Variants in GPI observed in about 807,000 individuals in gnomAD.
GPI encodes glucose-6-phosphate isomerase.
A neutral mutation model predicts 75.8 loss-of-function variants in GPI; 56 were observed. That is an observed-to-expected ratio of 0.74 (90% CI 0.60 to 0.92). The LOEUF (loss-of-function observed/expected upper bound fraction) is 0.92. Ranked by LOEUF, GPI falls within the 40% of genes least tolerant of loss-of-function variation. The pLI is 0.00. For missense variants in GPI, 638 were observed against 741.0 expected, an observed-to-expected ratio of 0.86 and a Z score of 1.61; for synonymous variants, 288 against 285.4, an observed-to-expected ratio of 1.01 and a Z score of -0.09.
At chr19:34,370,879 C>G (rs922451463) in intron 4 of GPI, among the ~76,000 whole-genome samples, 3 of 152,362 alleles carry the variant, frequency 2.0e-5, no homozygotes, top group South Asian at 4.1e-4. Context: ...GATTGTGCCA[C>G]TGTCCTCCAG....
chr19:34,387,605 G>A (rs1017717639), intron 9 of GPI, among the ~76,000 whole-genome samples: 1 of 148,716 alleles, frequency 6.7e-6, no homozygotes, highest in Non-Finnish European at 1.5e-5. Flanking sequence ...TTGACCTGGT[G>A]TTGTCAGTGA....
At position 34,396,310 on chromosome 19, in the gene GPI, G is replaced by A; in HGVS notation, c.1072G>A (p.Glu358Lys). The A allele has an allele frequency of 6.2e-7, 1 of 1,614,150 alleles. No homozygotes were observed. Among genetic ancestry groups the A allele is most frequent in the Non-Finnish European group, 8.5e-7 (1 of 1,180,024 alleles). Residue 358 changes from glutamate (E) to lysine (K), a missense_variant, in exon 13 of 18, where the codon GAG becomes AAG. Physicochemically the swap from Glu to Lys is moderately conservative, Grantham distance 56. Transcript: ENST00000356487. The stretch of plus-strand genomic sequence containing the variant: ...TCTGTTCCTTTTCCAGGGCGACATG[G>A]AGTCCAATGGGAAATACATCACCAA... Reference protein sequence around the residue: ...FAAYFQQGDMESNGKYITKSG... With the variant: ...FAAYFQQGDMKSNGKYITKSG...
chr19:34,378,941 C>G lies in GPI; in HGVS notation c.641C>G (p.Thr214Ser). 6.2e-7 allele frequency: 1 copy of G among 1,614,108 alleles called. No individual in the cohort carries two copies. The highest frequency in any genetic ancestry group is 8.5e-7 in the Non-Finnish European group (1 of 1,179,920). Reference protein sequence around the residue: ...SLFIIASKTFTTQETITNAET... With the variant: ...SLFIIASKTFSTQETITNAET... ...TGTTCTCTTTGGTTGCAGACCTTTA[C>G]TACCCAGGAGACCATCACGAATGCA... is the stretch of plus-strand genomic sequence containing the variant. The change falls in exon 7 of 18, where the codon ACT becomes AGT. Residue 214 changes from threonine (T) to serine (S), a missense_variant. Physicochemically the swap from Thr to Ser is moderately conservative, Grantham distance 58 (BLOSUM62 1). Coordinates refer to ENST00000356487, the MANE Select transcript of GPI (RefSeq NM_000175.5).
intron 4 of GPI, among the ~76,000 whole-genome samples, chr19:34,369,915 C>T (rs1048405309): frequency 2.0e-5 from 3 of 152,114 alleles, no homozygotes; most frequent in African/African-American, 4.8e-5. Context: ...ACAGCAAGAT[C>T]GTGTCTCTAA....
chr19:34,379,386 T>C, intron 7 of GPI, 132 bp from the exon 8 acceptor site: 2 of 864,762 alleles, frequency 2.3e-6, no homozygotes, highest in South Asian at 2.6e-5. Flanking sequence ...GATGTGGGCC[T>C]TCTCCAACAG....
Position 34,399,722 on chromosome 19 carries a change from T to C in GPI, c.1478T>C (p.Met493Thr). Residue 493 changes from methionine to threonine, a missense_variant, in exon 17 of 18, where the codon ATG (methionine) becomes ACG (threonine). Transcript: ENST00000356487. Reference protein sequence around the residue: ...TPFMLGALVAMYEHKIFVQGI... With the variant: ...TPFMLGALVATYEHKIFVQGI... ...GCCCTGTCTGTCACTTCTGCAGCCA[T>C]GTATGAGCACAAGATCTTCGTTCAG... 6.2e-7 allele frequency: 1 copy of C among 1,614,086 alleles called. No homozygotes were observed. Among genetic ancestry groups the C allele is most frequent in the Non-Finnish European group, 8.5e-7 (1 of 1,180,020 alleles).
At chr19:34,384,754 A>T (rs889728829) in intron 9 of GPI, among the ~76,000 whole-genome samples, 1 of 152,164 alleles carries the variant, frequency 6.6e-6, no homozygotes, top group East Asian at 1.9e-4. Flanking sequence ...GTCAAGACAG[A>T]TGGGTAGGCC....
upstream of GPI, among the ~76,000 whole-genome samples, chr19:34,361,414 T>C (rs1484018872): frequency 6.6e-6 from 1 of 152,036 alleles, no homozygotes; most frequent in Non-Finnish European, 1.5e-5. Flanking sequence ...TCTTAACCTC[T>C]CTGTTAAATG....
chr19:34,395,813 C>T (rs1320619448), intron 12 of GPI, among the ~76,000 whole-genome samples: 3 of 151,876 alleles, frequency 2.0e-5, no homozygotes, highest in Non-Finnish European at 4.4e-5. Flanking sequence ...CTGCCTGGAG[C>T]ATCTGGGCAG....
intron 9 of GPI, among the ~76,000 whole-genome samples, chr19:34,391,806 TATTA>T (rs1234054652): frequency 2.3e-3 from 2 of 886 alleles, no homozygotes; most frequent in Non-Finnish European, 1.7e-3. Flanking sequence ...TGGGATCTGG[TATTA>T]ATTATGAGAA....
chr19:34,374,069 C>G (rs986153621), intron 4 of GPI, among the ~76,000 whole-genome samples: 1 of 151,366 alleles, frequency 6.6e-6, no homozygotes, highest in Non-Finnish European at 1.5e-5. Flanking sequence ...CCGGCTCAAG[C>G]GATTCTCCTG....
rs147704997 is a variant in GPI at position 34,368,817 on chromosome 19, C to G, written c.402+115C>G. On this transcript the variant is annotated intron_variant, in intron 4 of 17. Transcript: ENST00000356487. Reference sequence around the variant, plus strand: ...CTTGTAGGCAGGACTCAGGTTCTCACTGCAGCTTAAGGGAGGGGTTGCCTG... The same window carrying G: ...CTTGTAGGCAGGACTCAGGTTCTCAGTGCAGCTTAAGGGAGGGGTTGCCTG... 199 of 1,223,046 alleles carry G rather than the reference C, an allele frequency of 1.6e-4. No homozygotes were observed. The African/African-American group carries it at 2.7e-3, about 16-fold the overall frequency. The allele number at this position is 1,223,046 out of a possible 1,614,324, so 75.8% of individuals were successfully genotyped here.
At chr19:34,374,876 A>G (rs1162651719) in intron 4 of GPI, among the ~76,000 whole-genome samples, 2 of 151,614 alleles carry the variant, frequency 1.3e-5, no homozygotes, top group African/African-American at 2.4e-5. Flanking sequence ...CTACAGGCAC[A>G]TGTCACCATG....
intron 9 of GPI, among the ~76,000 whole-genome samples, chr19:34,383,842 G>A (rs1388652418): frequency 6.6e-6 from 1 of 152,190 alleles, no homozygotes; most frequent in African/African-American, 2.4e-5. Context: ...GACAGTGTTT[G>A]TCAACACTGG....
chr19:34,396,808 T>C (rs2074952656), intron 14 of GPI, 151 bp downstream of exon 14: 2 of 707,038 alleles, frequency 2.8e-6, no homozygotes, highest in Admixed American at 4.1e-5. Flanking sequence ...ACAACACTCT[T>C]CTTTTGTGGG....
At chr19:34,398,997 G>A in intron 14 of GPI, 1 of 466,594 alleles carries the variant, frequency 2.1e-6, no homozygotes, top group South Asian at 2.2e-5. Context: ...GAGCCACCGC[G>A]CCTGGCCACT....
Position 34,400,128 on chromosome 19 carries a change from C to T in GPI, c.*92C>T. The T allele has an allele frequency of 7.4e-7, 1 of 1,360,164 alleles. No homozygotes were observed. Among genetic ancestry groups the T allele is most frequent in the Non-Finnish European group, 1.0e-6 (1 of 963,586 alleles). 84.3% of individuals were successfully genotyped at this position (1,360,164 alleles called of 1,614,324 possible). On this transcript the variant is annotated 3_prime_UTR_variant, in exon 18 of 18. Transcript: ENST00000356487. ...GGCACTGCATGTTCCTGGACACCAC[C>T]CAGAGCACCCTCTGGTTGTGGGCTT...
chr19:34,385,032 C>CA (rs745653788), intron 9 of GPI, among the ~76,000 whole-genome samples: 2,114 of 64,400 alleles, frequency 0.033, 34 homozygotes, highest in African/African-American at 0.067. Context: ...AGACTATCTC[C>CA]AAAAAAAAAA....
intron 6 of GPI, 42 bp downstream of exon 6, chr19:34,377,923 G>T: frequency 1.2e-6 from 2 of 1,608,736 alleles, no homozygotes; most frequent in Non-Finnish European, 1.7e-6. Context: ...CCCTGTGTGT[G>T]TTGGGGTGGG....
Sources: allele counts gnomAD v4.1 joint callset (sites outside exome capture counted in the v4.1 genomes callset), GRCh38; gene constraint gnomAD v4.1.1; transcripts MANE v1.5; gene names NCBI Gene and HGNC (gene_info 2026-07-23, HGNC 2026-07-21).